C12orf56: variants seen among roughly 807,000 people sequenced by gnomAD.
C12orf56 encodes the protein chromosome 12 open reading frame 56, also known as uncharacterized protein C12orf56.
C12orf56 carries 71 observed loss-of-function variants against 69.9 expected under a neutral mutation model. That is an observed-to-expected ratio of 1.02 (90% CI 0.84 to 1.24). The LOEUF (loss-of-function observed/expected upper bound fraction) is 1.24. Among genes scored for constraint, C12orf56 ranks in the 50% most tolerant of loss-of-function variants. The pLI, the probability that C12orf56 is intolerant of heterozygous loss-of-function variation, is 0.00. For synonymous variants in C12orf56, 276 were observed against 274.1 expected (o/e 1.01, Z -0.07); for missense variants, 732 against 738.5 (o/e 0.99, Z 0.10).
At chr12:64,372,627 C>T (rs572561695) in intron 1 of C12orf56, among the ~76,000 whole-genome samples, 1 of 152,164 alleles carries the variant, frequency 6.6e-6, no homozygotes, top group Non-Finnish European at 1.5e-5. Context: ...GATTCTCCTC[C>T]CTCAGCTTCC....
In C12orf56 at chr12:64,390,301, C is replaced by A; in HGVS notation, c.252+13G>T. On this transcript the variant is annotated intron_variant, in intron 1 of 12. Coordinates refer to ENST00000543942, the MANE Select transcript of C12orf56 (RefSeq NM_001170633.2). ...TGCGCTCCCGAGCCCGCCTGCCCAC[C>A]CGCGCCGCTCACCAGGTCAATGGCC... The A allele has an allele frequency of 6.3e-7, 1 of 1,595,692 alleles. No individual in the cohort carries two copies.
chr12:64,273,789 C>T (rs1438096672), intron 11 of C12orf56, among the ~76,000 whole-genome samples: 1 of 152,168 alleles, frequency 6.6e-6, no homozygotes, highest in Admixed American at 6.5e-5. Flanking sequence ...CATACTGGCT[C>T]TTAAAGCTTC....
chr12:64,352,885 A>T lies in C12orf56; in HGVS notation c.415+9T>A, dbSNP rs778029970. On this transcript the variant is annotated intron_variant, in intron 2 of 12. Coordinates refer to ENST00000543942, the MANE Select transcript of C12orf56 (RefSeq NM_001170633.2). ...GCCTTAGATCCAGAGACAGATTGGA[A>T]GTACCTACCTTTCTTGTTGTTAGCT... is the stretch of plus-strand genomic sequence containing the variant. The T allele has an allele frequency of 1.8e-5, 28 of 1,591,540 alleles. No individual in the cohort carries two copies. Among genetic ancestry groups the T allele is most frequent in the Non-Finnish European group, 2.4e-5 (28 of 1,173,484 alleles).
At chr12:64,325,488 G>T (rs1462005911) in intron 3 of C12orf56, among the ~76,000 whole-genome samples, 1 of 152,154 alleles carries the variant, frequency 6.6e-6, no homozygotes, top group Non-Finnish European at 1.5e-5. Flanking sequence ...AGGACTACTG[G>T]GGGAAAATGA....
Position 64,306,052 on chromosome 12 carries a change from C to A in C12orf56, c.969-2273G>T, listed in dbSNP as rs112524693. Among the ~76,000 whole-genome samples the A allele has an allele frequency of 1.5e-3, 232 of 152,068 alleles. 3 individuals carry two copies. The highest frequency in any genetic ancestry group is 5.2e-3 in the African/African-American group (217 of 41,474). ...CCAACTAGGATAATAGATTGTAATG[C>A]CAAACTAATTTTTTTTAATGGCCAA... On this transcript the variant is annotated intron_variant, in intron 5 of 12. Transcript: ENST00000543942.
chr12:64,379,083 T>C (rs1488244073), intron 1 of C12orf56, among the ~76,000 whole-genome samples: 1 of 151,578 alleles, frequency 6.6e-6, no homozygotes. Flanking sequence ...CAGAACCCCT[T>C]GCTAATCTGT....
chr12:64,380,104 C>CAAAAAAAAAAAAAAAAAA lies in C12orf56; in HGVS notation c.252+10192_252+10209dup, dbSNP rs60079906. Among the ~76,000 whole-genome samples the CAAAAAAAAAAAAAAAAAA allele has an allele frequency of 1.6e-4, 8 of 49,980 alleles. 1 individual carries two copies. Among genetic ancestry groups the CAAAAAAAAAAAAAAAAAA allele is most frequent in the Admixed American group, 1.0e-3 (3 of 2,968 alleles). 32.8% of individuals were successfully genotyped at this position (49,980 alleles called of 152,430 possible). A position where few individuals can be genotyped will look rare whatever the true frequency, so the allele number is the denominator to read the frequency against. ...TGGGCGACAGAGCAAGACTCCGTCGCAAAAAAAAAAAAAAAAAAAAAAAAA... is the reference window on the plus strand; with the variant it reads ...TGGGCGACAGAGCAAGACTCCGTCGCAAAAAAAAAAAAAAAAAAAAAAAAAAAAAAAAAAAAAAAAAAA... On this transcript the variant is annotated intron_variant, in intron 1 of 12. Coordinates refer to ENST00000543942, the MANE Select transcript of C12orf56 (RefSeq NM_001170633.2).
chr12:64,345,425 AG>A (rs1486840136), intron 2 of C12orf56, among the ~76,000 whole-genome samples: 3 of 152,206 alleles, frequency 2.0e-5, no homozygotes, highest in Admixed American at 6.5e-5. Context: ...GGCAAAAAAA[AG>A]TTCATCAGAG....
chr12:64,282,127 G>A (rs556373218), intron 8 of C12orf56, among the ~76,000 whole-genome samples: 8 of 152,276 alleles, frequency 5.3e-5, no homozygotes, highest in South Asian at 2.1e-4. Flanking sequence ...AGGCCAAGGC[G>A]GGAAGATCAC....
intron 9 of C12orf56, 84 bp downstream of exon 9, chr12:64,277,596 C>T (rs543049999): frequency 3.0e-5 from 27 of 888,518 alleles, no homozygotes; most frequent in African/African-American, 3.5e-5. Flanking sequence ...CTCTATTCTA[C>T]GGTGTCATGG....
At chr12:64,338,476 G>C in intron 2 of C12orf56, 1 of 916,122 alleles carries the variant, frequency 1.1e-6, no homozygotes, top group South Asian at 1.3e-5. Context: ...CTTATTTCCT[G>C]CAACAAACAA....
At chr12:64,278,390 T>G (rs1592413183) in intron 8 of C12orf56, among the ~76,000 whole-genome samples, 1 of 152,248 alleles carries the variant, frequency 6.6e-6, no homozygotes, top group African/African-American at 2.4e-5. Flanking sequence ...ACTACTGGAC[T>G]CAAGTGATCC....
chr12:64,370,378 C>T (rs373055316), intron 1 of C12orf56, among the ~76,000 whole-genome samples: 12 of 151,206 alleles, frequency 7.9e-5, no homozygotes, highest in Admixed American at 3.3e-4. Flanking sequence ...AGGCCGGTTG[C>T]GGTGACTCAT....
At chr12:64,305,562 T>C (rs1396775990) in intron 5 of C12orf56, among the ~76,000 whole-genome samples, 2 of 152,146 alleles carry the variant, frequency 1.3e-5, no homozygotes, top group Admixed American at 6.5e-5. Context: ...TTTGTATTTT[T>C]AGTAGAGATG....
intron 1 of C12orf56, among the ~76,000 whole-genome samples, chr12:64,378,440 C>CT (rs532430643): frequency 0.019 from 2,788 of 144,816 alleles, 41 homozygotes; most frequent in African/African-American, 0.045. Flanking sequence ...TATCTTGGGA[C>CT]TTTTTTTTTT....
At chr12:64,351,018 AT>A (rs2039215530) in intron 2 of C12orf56, among the ~76,000 whole-genome samples, 1 of 152,240 alleles carries the variant, frequency 6.6e-6, no homozygotes, top group Non-Finnish European at 1.5e-5. Flanking sequence ...AACCCTGTTT[AT>A]TCCTGTGAAC....
At chr12:64,357,589 C>CT (rs1026647326) in intron 1 of C12orf56, among the ~76,000 whole-genome samples, 59 of 151,692 alleles carry the variant, frequency 3.9e-4, no homozygotes, top group African/African-American at 1.1e-3. Context: ...ATTATTTTTA[C>CT]TTTTTTTTGT....
chr12:64,312,108 C>T (rs1266496507), intron 5 of C12orf56, among the ~76,000 whole-genome samples: 1 of 152,150 alleles, frequency 6.6e-6, no homozygotes, highest in Non-Finnish European at 1.5e-5. Context: ...ATAATGACAT[C>T]ATTCCCTGTG....
At chr12:64,381,327 G>A (rs767837651) in intron 1 of C12orf56, among the ~76,000 whole-genome samples, 9 of 152,158 alleles carry the variant, frequency 5.9e-5, no homozygotes, top group African/African-American at 9.7e-5. Flanking sequence ...ACTGATCTTA[G>A]ATTTTACAGT....
Sources: allele counts gnomAD v4.1 joint callset (sites outside exome capture counted in the v4.1 genomes callset), GRCh38; gene constraint gnomAD v4.1.1; transcripts MANE v1.5; gene names NCBI Gene and HGNC (gene_info 2026-07-23, HGNC 2026-07-21).